LGR4: variants seen among roughly 807,000 people sequenced by gnomAD.
The protein encoded by LGR4 is leucine-rich repeat-containing G protein-coupled receptor 4.
In LGR4, 44 loss-of-function variants were observed where a neutral mutation model predicts 84.8. That is an observed-to-expected ratio of 0.52 (90% CI 0.41 to 0.67). The LOEUF is 0.67. Among genes scored for constraint, LGR4 ranks in the 30% least tolerant of loss-of-function variants. The pLI, the probability that LGR4 is intolerant of heterozygous loss-of-function variation, is 0.00. For missense variants in LGR4, 1,032 were observed against 1,131.4 expected (o/e 0.91, Z 1.26); for synonymous variants, 429 against 434.3 (o/e 0.99, Z 0.15).
At position 27,464,191 on chromosome 11, in the gene LGR4, C is replaced by T. The variant is rs930709077; in HGVS notation, c.185+7927G>A. ...TCTGCAAAAATGCAGTTCTCTGAGA[C>T]GGTTTGCACACAGGAGAAGGCTGGC... is the stretch of plus-strand genomic sequence containing the variant. On this transcript the variant is annotated intron_variant, in intron 1 of 17. Coordinates refer to ENST00000379214, the MANE Select transcript of LGR4 (RefSeq NM_018490.5). Among the ~76,000 whole-genome samples, 13 of 152,310 alleles carry T rather than the reference C, an allele frequency of 8.5e-5. No homozygotes were observed. In the East Asian group the frequency reaches 1.7e-3, roughly 20 times the overall value.
At chr11:27,464,269 T>C (rs1045921382) in intron 1 of LGR4, among the ~76,000 whole-genome samples, 2 of 152,212 alleles carry the variant, frequency 1.3e-5, no homozygotes, top group African/African-American at 2.4e-5. Flanking sequence ...AAATATCTGG[T>C]CTGCCAAGCC....
chr11:27,471,796 T>G, intron 1 of LGR4: 2 of 203,976 alleles, frequency 9.8e-6, no homozygotes, highest in Non-Finnish European at 2.0e-5. Flanking sequence ...GCAAGCGTTT[T>G]TAGATTACTT....
intron 4 of LGR4, 102 bp downstream of exon 4, chr11:27,390,992 G>T: frequency 2.9e-6 from 2 of 699,558 alleles, no homozygotes; most frequent in Non-Finnish European, 2.4e-6. Context: ...TTTTATCTCA[G>T]ATGAAAGGAT....
chr11:27,408,263 G>A (rs1046193716), intron 2 of LGR4, among the ~76,000 whole-genome samples: 3 of 152,030 alleles, frequency 2.0e-5, no homozygotes, highest in African/African-American at 7.2e-5. Flanking sequence ...AGAATTAACT[G>A]TCCTACAGAT....
chr11:27,454,572 C>T (rs899312386), intron 1 of LGR4, among the ~76,000 whole-genome samples: 1 of 152,022 alleles, frequency 6.6e-6, no homozygotes, highest in Non-Finnish European at 1.5e-5. Context: ...CCAGTCTGGC[C>T]AAGATGGTGA....
At chr11:27,471,765 C>T (rs1864877126) in intron 1 of LGR4, 1 of 172,236 alleles carries the variant, frequency 5.8e-6, no homozygotes, top group Non-Finnish European at 1.2e-5. Context: ...AAGGGAAGGT[C>T]GCGTGGACAG....
At chr11:27,416,339 G>A (rs890556357) in intron 1 of LGR4, among the ~76,000 whole-genome samples, 1 of 152,102 alleles carries the variant, frequency 6.6e-6, no homozygotes, top group Non-Finnish European at 1.5e-5. Flanking sequence ...TATTTTCTCT[G>A]CCCTGGCTTC....
intron 1 of LGR4, among the ~76,000 whole-genome samples, chr11:27,419,921 T>G (rs1041380082): frequency 6.6e-6 from 1 of 151,864 alleles, no homozygotes; most frequent in Non-Finnish European, 1.5e-5. Flanking sequence ...GTGGCAACAG[T>G]TGGGGGGTGG....
At chr11:27,372,249 G>A (rs1862898080) in intron 16 of LGR4, 34 bp downstream of exon 16, 2 of 1,152,180 alleles carry the variant, frequency 1.7e-6, no homozygotes, top group Non-Finnish European at 2.6e-6. Context: ...ATGCCTTAAA[G>A]GAGTGTTCTA....
At chr11:27,407,939 G>A (rs1863642556) in intron 2 of LGR4, among the ~76,000 whole-genome samples, 1 of 152,018 alleles carries the variant, frequency 6.6e-6, no homozygotes, top group South Asian at 2.1e-4. Context: ...GTTAACATTT[G>A]GGAAATTGGA....
intron 7 of LGR4, 116 bp downstream of exon 7, chr11:27,382,072 G>C: frequency 1.5e-6 from 1 of 685,438 alleles, no homozygotes; most frequent in South Asian, 1.9e-5. Context: ...GTGTGTTTGT[G>C]TGCATGTATT....
At chr11:27,440,675 T>C (rs532251648) in intron 1 of LGR4, among the ~76,000 whole-genome samples, 32 of 152,302 alleles carry the variant, frequency 2.1e-4, no homozygotes, top group African/African-American at 6.7e-4. Flanking sequence ...AGGCTTCTCT[T>C]TATTTTTCAC....
intron 1 of LGR4, among the ~76,000 whole-genome samples, chr11:27,447,824 T>G (rs549383261): frequency 6.6e-6 from 1 of 152,352 alleles, no homozygotes; most frequent in African/African-American, 2.4e-5. Context: ...TTGACTAATG[T>G]GCATTTTGTC....
chr11:27,376,943 C>A lies in LGR4; in HGVS notation c.1109+215G>T, dbSNP rs190460551. Among the ~76,000 whole-genome samples the A allele has an allele frequency of 1.6e-4, 25 of 152,228 alleles. 1 individual carries two copies. The East Asian group carries it at 4.2e-3, about 26-fold the overall frequency. Reference sequence around the variant, plus strand: ...AATATACACTAACTTCCAACTCCCCCCCGCATAGCGTTTCATGGGATGCCT... The same window carrying A: ...AATATACACTAACTTCCAACTCCCCACCGCATAGCGTTTCATGGGATGCCT... On this transcript the variant is annotated intron_variant, in intron 12 of 17. Coordinates refer to ENST00000379214, the MANE Select transcript of LGR4 (RefSeq NM_018490.5).
chr11:27,437,927 G>C (rs1864239792), intron 1 of LGR4, among the ~76,000 whole-genome samples: 1 of 151,932 alleles, frequency 6.6e-6, no homozygotes, highest in Admixed American at 6.6e-5. Context: ...GAGATGGAAG[G>C]ACAACTTGAG....
intron 2 of LGR4, among the ~76,000 whole-genome samples, chr11:27,397,788 T>A (rs915651074): frequency 6.6e-6 from 1 of 152,160 alleles, no homozygotes; most frequent in African/African-American, 2.4e-5. Flanking sequence ...GTGCACATGA[T>A]CACACAGAAT....
intron 1 of LGR4, among the ~76,000 whole-genome samples, chr11:27,432,044 C>T (rs1864125796): frequency 6.6e-6 from 1 of 152,142 alleles, no homozygotes; most frequent in Admixed American, 6.5e-5. Context: ...GTTATTATCC[C>T]CAGCAGGATG....
At chr11:27,398,142 C>G (rs774318920) in intron 2 of LGR4, among the ~76,000 whole-genome samples, 18 of 152,304 alleles carry the variant, frequency 1.2e-4, no homozygotes, top group Non-Finnish European at 1.8e-4. Context: ...ATCCTTGACT[C>G]TTAATGCATA....
In LGR4 at chr11:27,405,314, G is replaced by A. The variant is rs1042664254; in HGVS notation, c.257+7475C>T. On this transcript the variant is annotated intron_variant, in intron 2 of 17. Transcript: ENST00000379214. ...TCTGCCCCAGTTCTCCTGCTCCTCCGGCACTTGGTCTTCTTCCCACACCCT... is the reference window on the plus strand; with the variant it reads ...TCTGCCCCAGTTCTCCTGCTCCTCCAGCACTTGGTCTTCTTCCCACACCCT... Among the ~76,000 whole-genome samples the A allele has an allele frequency of 3.9e-5, 6 of 152,020 alleles. No homozygotes were observed. In the East Asian group the frequency reaches 5.8e-4, roughly 15 times the overall value.
Sources: gnomAD v4.1 joint callset for allele counts (sites outside exome capture counted in the v4.1 genomes callset) on GRCh38, gnomAD v4.1.1 for gene constraint, MANE v1.5 for transcripts, NCBI Gene and HGNC (gene_info 2026-07-23, HGNC 2026-07-21) for gene names.